The following BEND7 variants were observed in gnomAD, a reference collection of about 807,000 sequenced individuals.
BEND7 encodes BEN domain-containing protein 7.
BEND7 carries 28 observed loss-of-function variants against 50.9 expected under a neutral mutation model. The observed-to-expected ratio is 0.55, with a 90% CI of 0.41 to 0.75. The LOEUF is 0.75. BEND7 is among the 30% of genes least tolerant of loss of function. The pLI, the probability that BEND7 is intolerant of heterozygous loss-of-function variation, is 0.00. For missense variants in BEND7, 477 were observed against 491.3 expected (o/e 0.97, Z 0.28); for synonymous variants, 170 against 183.9 (o/e 0.92, Z 0.61).
At chr10:13,503,735 A>ACAAACAAC (rs569272983) in intron 2 of BEND7, among the ~76,000 whole-genome samples, 5 of 151,968 alleles carry the variant, frequency 3.3e-5, no homozygotes, top group Admixed American at 1.3e-4. Flanking sequence ...AAACAAACAA[A>ACAAACAAC]CAACAACTAA....
chr10:13,473,114 A>G (rs1363470025), intron 6 of BEND7, among the ~76,000 whole-genome samples: 1 of 151,718 alleles, frequency 6.6e-6, no homozygotes, highest in Non-Finnish European at 1.5e-5. Context: ...TTTGGGGTCA[A>G]TAACCATCAT....
intron 2 of BEND7, among the ~76,000 whole-genome samples, chr10:13,504,845 T>C (rs1239379474): frequency 1.3e-5 from 2 of 152,222 alleles, no homozygotes; most frequent in Non-Finnish European, 2.9e-5. Flanking sequence ...AAAGATTGTA[T>C]GCTGGATTCT....
rs550604539 is a variant in BEND7, at chr10:13,500,499, G to C, written c.146-419C>G. ...TGAGGAATGGGCAGGTCACTAAAGCGCTCTGCTCACTGTCTGTCAGCTTCA... is the reference window on the plus strand; with the variant it reads ...TGAGGAATGGGCAGGTCACTAAAGCCCTCTGCTCACTGTCTGTCAGCTTCA... On this transcript the variant is annotated intron_variant, in intron 2 of 8. Transcript: ENST00000466271. The C allele has an allele frequency of 1.0e-5, 10 of 994,930 alleles. 1 individual carries two copies. In the African/African-American group the frequency reaches 1.7e-4, roughly 17 times the overall value. 61.6% of individuals were successfully genotyped at this position (994,930 alleles called of 1,614,324 possible).
At chr10:13,529,274 G>T (rs1314706168), upstream of BEND7, among the ~76,000 whole-genome samples, 1 of 150,712 alleles carries the variant, frequency 6.6e-6, no homozygotes, top group African/African-American at 2.4e-5. Flanking sequence ...GACCCCGCTC[G>T]CTGGCCTCCC....
downstream of BEND7, chr10:13,439,181 G>C (rs1835049047): frequency 6.2e-7 from 1 of 1,610,802 alleles, no homozygotes; most frequent in Admixed American, 1.7e-5. Flanking sequence ...TTCAGAGAGA[G>C]AGGCAAGAGA....
chr10:13,492,784 G>A lies in BEND7; in HGVS notation c.664C>T (p.Pro222Ser), dbSNP rs748963672. ...SRKRNKKKKV[P>S]PKTVEPLTVK... The stretch of plus-strand genomic sequence containing the variant: ...GTAAGAGGTTCCACAGTCTTTGGGG[G>A]CACTTTTTTCTTTTTATTTCTCTTT... Residue 222 changes from proline to serine, a missense_variant, in exon 5 of 9, where the codon CCC (proline) becomes TCC (serine). Physicochemically the swap from Pro to Ser is moderately conservative, Grantham distance 74. Coordinates refer to ENST00000466271, the MANE Select transcript of BEND7 (RefSeq NM_001369863.1). The A allele has an allele frequency of 1.2e-6, 2 of 1,608,512 alleles. No homozygotes were observed. The highest frequency in any genetic ancestry group is 3.5e-5 in the Admixed American group (2 of 57,942).
chr10:13,472,673 C>T (rs1442835979), intron 6 of BEND7, among the ~76,000 whole-genome samples: 1 of 151,990 alleles, frequency 6.6e-6, no homozygotes, highest in Non-Finnish European at 1.5e-5. Context: ...CACTGTTAGA[C>T]TCAGGGTCGA....
chr10:13,499,310 GT>G, intron 3 of BEND7, among the ~76,000 whole-genome samples: 1 of 152,102 alleles, frequency 6.6e-6, no homozygotes, highest in East Asian at 1.9e-4. Context: ...GGGATGCTGG[GT>G]TATCGGCCCC....
rs77542625 is a variant in BEND7, at chr10:13,528,066, C to T, written c.61+407G>A. Among the ~76,000 whole-genome samples the T allele has an allele frequency of 6.1e-3, 927 of 152,222 alleles. 11 individuals carry two copies. Among genetic ancestry groups the T allele is most frequent in the African/African-American group, 0.021 (886 of 41,552 alleles). On this transcript the variant is annotated intron_variant, in intron 1 of 8. Coordinates refer to ENST00000466271, the MANE Select transcript of BEND7 (RefSeq NM_001369863.1). Reference sequence around the variant, plus strand: ...AGAACAACAACGGTCATCCTTTTTCCTCCTTCTCTTGGCGGGGGGAAGGGG... The same window carrying T: ...AGAACAACAACGGTCATCCTTTTTCTTCCTTCTCTTGGCGGGGGGAAGGGG...
intron 2 of BEND7, among the ~76,000 whole-genome samples, chr10:13,518,523 G>A (rs997696396): frequency 1.3e-5 from 2 of 152,210 alleles, no homozygotes; most frequent in African/African-American, 2.4e-5. Context: ...ATGGGCCAGC[G>A]CTATCTTAAG....
chr10:13,517,298 A>G (rs2078756627), intron 2 of BEND7, among the ~76,000 whole-genome samples: 1 of 151,990 alleles, frequency 6.6e-6, no homozygotes, highest in Admixed American at 6.5e-5. Context: ...GAGGAAGTGC[A>G]CAGCCTAAAA....
chr10:13,524,181 TA>T (rs2079272646), intron 2 of BEND7, among the ~76,000 whole-genome samples: 1 of 152,210 alleles, frequency 6.6e-6, no homozygotes, highest in Admixed American at 6.5e-5. Context: ...GTAGTGACCT[TA>T]CCACTTTTCT....
At chr10:13,480,841 T>C (rs2075804645) in intron 6 of BEND7, 58 bp downstream of exon 6, 3 of 1,604,156 alleles carry the variant, frequency 1.9e-6, no homozygotes, top group Non-Finnish European at 2.6e-6. Context: ...GCTGCATCGT[T>C]ACGGAATGAA....
chr10:13,484,151 G>T (rs2076059714), intron 5 of BEND7, among the ~76,000 whole-genome samples: 1 of 152,200 alleles, frequency 6.6e-6, no homozygotes, highest in Non-Finnish European at 1.5e-5. Context: ...GGCAGCGGCA[G>T]CCGGGGCACA....
At chr10:13,494,101 T>C (rs546408936) in intron 4 of BEND7, among the ~76,000 whole-genome samples, 6 of 152,274 alleles carry the variant, frequency 3.9e-5, no homozygotes, top group African/African-American at 1.2e-4. Context: ...TGGTTGTACA[T>C]TAGAATCACT....
intron 4 of BEND7, among the ~76,000 whole-genome samples, 185 bp from the exon 5 acceptor site, chr10:13,493,061 G>A (rs1033946790): frequency 6.6e-6 from 1 of 152,206 alleles, no homozygotes; most frequent in South Asian, 2.1e-4. Context: ...GCACTTTCAA[G>A]TCCTAAAGGC....
At chr10:13,439,522 T>C, downstream of BEND7, 1 of 1,562,610 alleles carries the variant, frequency 6.4e-7, no homozygotes, top group Non-Finnish European at 8.7e-7. Context: ...AATGAGTGAA[T>C]GAATGAATGA....
At chr10:13,519,478 A>C (rs2078935763) in intron 2 of BEND7, among the ~76,000 whole-genome samples, 1 of 130,874 alleles carries the variant, frequency 7.6e-6, no homozygotes, top group African/African-American at 2.7e-5. Flanking sequence ...TCCGTCTCAA[A>C]AAAAAGAAAG....
At chr10:13,447,208 T>C (rs1351359354) in intron 8 of BEND7, 58 bp downstream of exon 8, 3 of 1,573,524 alleles carry the variant, frequency 1.9e-6, no homozygotes, top group Middle Eastern at 1.7e-4. Flanking sequence ...TCAATGCAAA[T>C]AGTTTTGTGG....
Sources: allele counts gnomAD v4.1 joint callset (sites outside exome capture counted in the v4.1 genomes callset), GRCh38; gene constraint gnomAD v4.1.1; transcripts MANE v1.5; gene names NCBI Gene and HGNC (gene_info 2026-07-23, HGNC 2026-07-21).